CTNND1: variants seen among roughly 807,000 people sequenced by gnomAD.
CTNND1 encodes the protein catenin delta 1.
CTNND1 carries 16 observed loss-of-function variants against 112.1 expected under a neutral mutation model. The observed-to-expected ratio is 0.14, with a 90% CI of 0.10 to 0.22. The LOEUF (loss-of-function observed/expected upper bound fraction) is 0.22. CTNND1 is among the 10% of genes least tolerant of loss of function. The pLI is 1.00. For missense variants in CTNND1, 1,008 were observed against 1,257.0 expected, an observed-to-expected ratio of 0.80 and a Z score of 3.00; for synonymous variants, 420 against 446.5, an observed-to-expected ratio of 0.94 and a Z score of 0.75.
chr11:57,780,425 G>A (rs1189658237), intron 1 of CTNND1, among the ~76,000 whole-genome samples: 1 of 152,134 alleles, frequency 6.6e-6, no homozygotes, highest in Non-Finnish European at 1.5e-5. Context: ...GAAGGAGCAT[G>A]GACTTGGAAT....
intron 19 of CTNND1, 73 bp downstream of exon 19, chr11:57,815,573 C>CA (rs761494462): frequency 6.5e-5 from 81 of 1,243,536 alleles, no homozygotes; most frequent in African/African-American, 3.0e-4. Flanking sequence ...TTGTGAAACA[C>CA]AAAAAAAAGT....
rs1335093382 is a variant in CTNND1 at position 57,781,639 on chromosome 11, G to A, written c.-213-7398G>A. The A allele has an allele frequency of 2.6e-5, 4 of 152,214 alleles. 1 individual carries two copies. Among genetic ancestry groups the A allele is most frequent in the South Asian group, 4.1e-4 (2 of 4,830 alleles). The allele number at this position is 152,214 out of a possible 1,614,324, so 9.4% of individuals were successfully genotyped here. Reference sequence around the variant, plus strand: ...AGGTGTCTTTGGCAAGGTTGCACAGGGATCCAGGTAAGTAACTCAGTCTCT... The same window carrying A: ...AGGTGTCTTTGGCAAGGTTGCACAGAGATCCAGGTAAGTAACTCAGTCTCT... On this transcript the variant is annotated intron_variant, in intron 1 of 20. Transcript: ENST00000399050.
At chr11:57,796,418 C>T in intron 5 of CTNND1, 39 bp from the exon 6 acceptor site, 1 of 1,523,496 alleles carries the variant, frequency 6.6e-7, no homozygotes, top group Admixed American at 2.2e-5. Context: ...TTGCTCACTT[C>T]CTTAATTAGT....
At position 57,796,969 on chromosome 11, in the gene CTNND1, C is replaced by A; in HGVS notation, c.933C>A (p.Pro311=). Residue 311 remains proline, a synonymous_variant, in exon 6 of 21, where the codon CCC becomes CCA. Coordinates refer to ENST00000399050, the MANE Select transcript of CTNND1 (RefSeq NM_001085458.2). ...GCACTGCCCGTCGGACTGGGACACC[C>A]TCTGACCCTCGTCGGCGCCTCAGGT... ...DYGTARRTGT[P]SDPRRRLRSY... 1 of 1,496,656 alleles carries A rather than the reference C, an allele frequency of 6.7e-7. No homozygotes were observed. The highest frequency in any genetic ancestry group is 1.4e-5 in the South Asian group (1 of 72,514). The allele number at this position is 1,496,656 out of a possible 1,614,324, so 92.7% of individuals were successfully genotyped here. A position where few individuals can be genotyped will look rare whatever the true frequency, so the allele number is the denominator to read the frequency against.
At chr11:57,775,350 C>CA (rs758467712) in intron 1 of CTNND1, among the ~76,000 whole-genome samples, 14 of 141,120 alleles carry the variant, frequency 9.9e-5, no homozygotes, top group Admixed American at 9.3e-4. Context: ...AAAAAAACAA[C>CA]ACACACACAC....
At chr11:57,794,573 G>T (rs1418189406) in intron 4 of CTNND1, among the ~76,000 whole-genome samples, 1 of 149,868 alleles carries the variant, frequency 6.7e-6, no homozygotes, top group Non-Finnish European at 1.5e-5. Flanking sequence ...ATCACCTCAG[G>T]TCGGGAGTTG....
At chr11:57,794,678 G>A (rs916025194) in intron 4 of CTNND1, among the ~76,000 whole-genome samples, 8 of 151,788 alleles carry the variant, frequency 5.3e-5, no homozygotes, top group Admixed American at 2.0e-4. Flanking sequence ...CCAGCTACTC[G>A]GGAGGCTGAG....
In CTNND1 at chr11:57,788,597, C is replaced by T. The variant is rs962866706; in HGVS notation, c.-213-440C>T. Among the ~76,000 whole-genome samples the T allele has an allele frequency of 6.6e-5, 10 of 151,686 alleles. No homozygotes were observed. The highest frequency in any genetic ancestry group is 1.3e-4 in the Non-Finnish European group (9 of 67,910). ...TAGGCTAGTCCCCACATGTCTTCCC[C>T]ACACAACTTTTGCATTGGTTTCTCA... On this transcript the variant is annotated intron_variant, in intron 1 of 20. Coordinates refer to ENST00000399050, the MANE Select transcript of CTNND1 (RefSeq NM_001085458.2). This position sits in a 1 kb window ranked among gnomAD's most constrained non-coding sequence, Gnocchi z 4.1.
rs1238770107 is a variant in CTNND1, at chr11:57,818,805, C to T, written c.*2497C>T. ...ACCTTGAATAAGGCCCACTGTAATACGTAGCTCTCTTAAATATAACACTTA... is the reference window on the plus strand; with the variant it reads ...ACCTTGAATAAGGCCCACTGTAATATGTAGCTCTCTTAAATATAACACTTA... On this transcript the variant is annotated 3_prime_UTR_variant, in exon 21 of 21. Coordinates refer to ENST00000399050, the MANE Select transcript of CTNND1 (RefSeq NM_001085458.2). The T allele has an allele frequency of 1.3e-5, 2 of 152,142 alleles. No homozygotes were observed. The highest frequency in any genetic ancestry group is 2.9e-5 in the Non-Finnish European group (2 of 68,034). The allele number at this position is 152,142 out of a possible 1,614,324, so 9.4% of individuals were successfully genotyped here. A position where few individuals can be genotyped will look rare whatever the true frequency, so the allele number is the denominator to read the frequency against.
At chr11:57,804,478 A>T (rs2062402461) in intron 8 of CTNND1, among the ~76,000 whole-genome samples, 185 bp from the exon 9 acceptor site, 1 of 152,168 alleles carries the variant, frequency 6.6e-6, no homozygotes, top group Admixed American at 6.5e-5. Context: ...CCCCACAGTG[A>T]TATAAACATT....
intron 3 of CTNND1, among the ~76,000 whole-genome samples, chr11:57,791,878 A>G (rs1428829461): frequency 2.0e-5 from 3 of 152,168 alleles, no homozygotes; most frequent in African/African-American, 4.8e-5. Flanking sequence ...TACTATCTCT[A>G]GAAGCATCCA....
At chr11:57,780,101 T>C (rs1286585286) in intron 1 of CTNND1, among the ~76,000 whole-genome samples, 1 of 148,860 alleles carries the variant, frequency 6.7e-6, no homozygotes, top group African/African-American at 2.5e-5. Flanking sequence ...TCACTGAGGC[T>C]GGAGTACAGT....
Position 57,803,816 on chromosome 11 carries a change from G to A in CTNND1, c.1604+12G>A. On this transcript the variant is annotated intron_variant, in intron 8 of 20. Transcript: ENST00000399050. ...GCTGGCTGCCTTAGGTAACAGTAGG[G>A]ACTTTGAGAATATGAAGATGAATTT... 1 of 1,547,032 alleles carries A rather than the reference G, an allele frequency of 6.5e-7. No individual in the cohort carries two copies. The highest frequency in any genetic ancestry group is 8.7e-7 in the Non-Finnish European group (1 of 1,147,810).
chr11:57,806,567 C>A, intron 11 of CTNND1, 89 bp downstream of exon 11: 1 of 1,218,870 alleles, frequency 8.2e-7, no homozygotes, highest in South Asian at 1.3e-5. Context: ...TAACCTTTCC[C>A]TGTCTATGCA....
intron 6 of CTNND1, 106 bp from the exon 7 acceptor site, chr11:57,801,627 C>A: frequency 1.1e-6 from 1 of 881,872 alleles, no homozygotes; most frequent in Middle Eastern, 3.4e-4. Context: ...GATGAGCACA[C>A]TGAAACTCCA....
In CTNND1 at chr11:57,791,227, G is replaced by C. The variant is rs561969954; in HGVS notation, c.-94-158G>C. Among the ~76,000 whole-genome samples the C allele has an allele frequency of 2.0e-5, 3 of 152,340 alleles. No homozygotes were observed. The East Asian group carries it at 5.8e-4, about 29-fold the overall frequency. On this transcript the variant is annotated intron_variant, in intron 2 of 20. Transcript: ENST00000399050. ...AGCTAGTGGGCAAAGGATTCCGCTT[G>C]AACAGACACTGGTGATGGGCTCCCA...
intron 2 of CTNND1, among the ~76,000 whole-genome samples, chr11:57,790,468 C>CTGCCTCCCTGATTTG (rs1555049279): frequency 6.8e-6 from 1 of 147,758 alleles, no homozygotes; most frequent in Non-Finnish European, 1.5e-5. Flanking sequence ...ACTGCAACCT[C>CTGCCTCCCTGATTTG]CGCTATTCTC....
Position 57,796,645 on chromosome 11 carries a change from T to C in CTNND1, c.609T>C (p.Pro203=), listed in dbSNP as rs753966665. 5.6e-6 allele frequency: 9 copies of C among 1,614,024 alleles called. No individual in the cohort carries two copies. Among genetic ancestry groups the C allele is most frequent in the Admixed American group, 1.7e-5 (1 of 60,024 alleles). ...YVGQAGTATL[P]RNFHYPPDGY... ...GGCAAGCTGGCACTGCTACCCTTCC[T>C]AGGAACTTCCACTACCCTCCTGATG... Residue 203 remains proline (P), a synonymous_variant, in exon 6 of 21, where the codon CCT becomes CCC. Coordinates refer to ENST00000399050, the MANE Select transcript of CTNND1 (RefSeq NM_001085458.2).
At position 57,816,815 on chromosome 11, in the gene CTNND1, C is replaced by G. The variant is rs892152405; in HGVS notation, c.*507C>G. ...GGAAAGTGTGAGCTCTTCCCTTATTCCTAATGGCTATTTTTGAAGCAAAGA... is the reference window on the plus strand; with the variant it reads ...GGAAAGTGTGAGCTCTTCCCTTATTGCTAATGGCTATTTTTGAAGCAAAGA... On this transcript the variant is annotated 3_prime_UTR_variant, in exon 21 of 21. Coordinates refer to ENST00000399050, the MANE Select transcript of CTNND1 (RefSeq NM_001085458.2). 1 of 155,294 alleles carries G rather than the reference C, an allele frequency of 6.4e-6. No homozygotes were observed. Among genetic ancestry groups the G allele is most frequent in the Non-Finnish European group, 1.4e-5 (1 of 69,900 alleles). 9.6% of individuals were successfully genotyped at this position (155,294 alleles called of 1,614,324 possible).
Sources: allele counts gnomAD v4.1 joint callset (sites outside exome capture counted in the v4.1 genomes callset), GRCh38; gene constraint gnomAD v4.1.1; non-coding constraint Gnocchi (gnomAD v3.1); transcripts MANE v1.5; gene names NCBI Gene and HGNC (gene_info 2026-07-23, HGNC 2026-07-21).